Variants in SNAP25 observed in about 807,000 individuals in gnomAD.
SNAP25 encodes the protein synaptosomal-associated protein 25.
Under a neutral mutation model 28.7 loss-of-function variants are expected in SNAP25, and 3 were observed. The observed-to-expected ratio is 0.10, with a 90% confidence interval of 0.05 to 0.27. The LOEUF (loss-of-function observed/expected upper bound fraction) is 0.27, where lower values mean the gene tolerates loss of function less well. Ranked by LOEUF, SNAP25 falls within the 10% of genes least tolerant of loss-of-function variation. The pLI, the probability that SNAP25 is intolerant of heterozygous loss-of-function variation, is 1.00. For missense variants in SNAP25, 117 were observed against 278.7 expected (o/e 0.42, Z 4.13); for synonymous variants, 61 against 88.1 (o/e 0.69, Z 1.72).
At chr20:10,235,133 T>C (rs1017122091) in intron 1 of SNAP25, among the ~76,000 whole-genome samples, 6 of 152,008 alleles carry the variant, frequency 3.9e-5, no homozygotes, top group Non-Finnish European at 7.4e-5. Context: ...CTCAGGGGAC[T>C]AATGTAGGAG....
intron 1 of SNAP25, among the ~76,000 whole-genome samples, chr20:10,240,305 A>C (rs552424011): frequency 6.6e-6 from 1 of 152,284 alleles, no homozygotes; most frequent in Non-Finnish European, 1.5e-5. Context: ...CCTTCTTTTA[A>C]GGGCCTTCAT....
At chr20:10,246,821 G>A (rs898992708) in intron 1 of SNAP25, among the ~76,000 whole-genome samples, 1 of 152,114 alleles carries the variant, frequency 6.6e-6, no homozygotes, top group South Asian at 2.1e-4. Flanking sequence ...GGCTCACATC[G>A]TTGGGCACAA....
chr20:10,277,650 A>G (rs2063713211), intron 2 of SNAP25, 35 bp from the exon 3 acceptor site: 3 of 1,601,076 alleles, frequency 1.9e-6, no homozygotes, highest in African/African-American at 2.7e-5. Context: ...TCCTGCACTC[A>G]TAAAGTTTAT....
rs965509281 is a variant in SNAP25, at chr20:10,240,608, A to G, written c.-64+21631A>G. On this transcript the variant is annotated intron_variant, in intron 1 of 7. Coordinates refer to ENST00000254976, the MANE Select transcript of SNAP25 (RefSeq NM_130811.4). ...CTGCCATTCTCCATGCCTCCCTCCA[A>G]GGCTGCAAGTGTTCCTGCCCTACAG... 5.9e-5 allele frequency among the ~76,000 whole-genome samples: 9 copies of G among 152,254 alleles called. No homozygotes were observed. In the South Asian group the frequency reaches 1.9e-3, roughly 32 times the overall value.
At chr20:10,264,332 C>T (rs2063470369) in intron 1 of SNAP25, among the ~76,000 whole-genome samples, 1 of 152,042 alleles carries the variant, frequency 6.6e-6, no homozygotes, top group South Asian at 2.1e-4. Context: ...ATATAGAATC[C>T]CATTTAGGAA....
At chr20:10,305,985 G>C in intron 7 of SNAP25, 144 bp from the exon 8 acceptor site, 1 of 640,762 alleles carries the variant, frequency 1.6e-6, no homozygotes, top group South Asian at 2.0e-5. Flanking sequence ...CGTCATTCTG[G>C]GAAGACAAAA....
chr20:10,270,772 G>T (rs1177921952), intron 1 of SNAP25, among the ~76,000 whole-genome samples: 4 of 152,098 alleles, frequency 2.6e-5, no homozygotes, highest in Non-Finnish European at 4.4e-5. Flanking sequence ...AATCCCTGAG[G>T]GTAGGGCCCA....
chr20:10,244,664 C>T (rs1195475294), intron 1 of SNAP25, among the ~76,000 whole-genome samples: 1 of 151,810 alleles, frequency 6.6e-6, no homozygotes, highest in East Asian at 1.9e-4. Flanking sequence ...GACTGGGTCT[C>T]ATCAGGAGCA....
intron 1 of SNAP25, among the ~76,000 whole-genome samples, chr20:10,220,882 T>C (rs2062619812): frequency 6.6e-6 from 1 of 152,248 alleles, no homozygotes; most frequent in Non-Finnish European, 1.5e-5. Context: ...GGTAATTTCA[T>C]TCGCTGCTAT....
chr20:10,279,233 A>G (rs1051228195), intron 3 of SNAP25, among the ~76,000 whole-genome samples: 1 of 152,220 alleles, frequency 6.6e-6, no homozygotes, highest in Non-Finnish European at 1.5e-5. Context: ...AGGAAGAAAA[A>G]TGAAAGAAGC....
intron 4 of SNAP25, among the ~76,000 whole-genome samples, chr20:10,290,272 A>G (rs2063968377): frequency 6.6e-6 from 1 of 152,210 alleles, no homozygotes; most frequent in South Asian, 2.1e-4. Flanking sequence ...CTGCAACAAA[A>G]TGACTCCACA....
At chr20:10,297,278 T>G (rs769359051) in intron 6 of SNAP25, among the ~76,000 whole-genome samples, 10 of 152,174 alleles carry the variant, frequency 6.6e-5, no homozygotes, top group Non-Finnish European at 1.2e-4. Flanking sequence ...GCATGTCTGT[T>G]CTTCTCCATG....
chr20:10,293,349 C>T lies in SNAP25; in HGVS notation c.281+71C>T. On this transcript the variant is annotated intron_variant, in intron 5 of 7. Transcript: ENST00000254976. This position sits in a 1 kb window ranked among gnomAD's most constrained non-coding sequence, Gnocchi z 5.6. ...TCTCCAAGCCTTGACAAGCTCATTC[C>T]TGCCAAGCTCATAGGCAGGATGAGC... is the stretch of plus-strand genomic sequence containing the variant. 3 of 1,180,256 alleles carry T rather than the reference C, an allele frequency of 2.5e-6. No individual in the cohort carries two copies. Among genetic ancestry groups the T allele is most frequent in the Non-Finnish European group, 3.8e-6 (3 of 789,170 alleles). The allele number at this position is 1,180,256 out of a possible 1,614,324, so 73.1% of individuals were successfully genotyped here.
chr20:10,296,832 G>A (rs754010491), intron 5 of SNAP25, 93 bp from the exon 6 acceptor site: 108 of 1,580,668 alleles, frequency 6.8e-5, no homozygotes, highest in Middle Eastern at 2.2e-4. Context: ...AAACTCATTC[G>A]CTTGGTTCGA....
At chr20:10,273,963 A>G (rs1472387157) in intron 1 of SNAP25, among the ~76,000 whole-genome samples, 1 of 152,064 alleles carries the variant, frequency 6.6e-6, no homozygotes, top group Non-Finnish European at 1.5e-5. Context: ...ATGATACCAG[A>G]CATGTCCCCT....
intron 1 of SNAP25, among the ~76,000 whole-genome samples, chr20:10,238,621 A>T (rs1277707982): frequency 6.6e-6 from 1 of 152,198 alleles, no homozygotes; most frequent in African/African-American, 2.4e-5. Flanking sequence ...CAAAAAGAAT[A>T]TCAATAGGTT....
At chr20:10,246,172 G>C (rs1169076200) in intron 1 of SNAP25, among the ~76,000 whole-genome samples, 1 of 152,208 alleles carries the variant, frequency 6.6e-6, no homozygotes, top group East Asian at 1.9e-4. Context: ...AGCTATTTCT[G>C]AGCCATTATG....
chr20:10,271,080 T>C (rs1435423848), intron 1 of SNAP25, among the ~76,000 whole-genome samples: 1 of 152,228 alleles, frequency 6.6e-6, no homozygotes, highest in Non-Finnish European at 1.5e-5. Context: ...CTTTTCTTCC[T>C]AATTTCTTCT....
At chr20:10,251,727 G>C (rs915547061) in intron 1 of SNAP25, among the ~76,000 whole-genome samples, 5 of 152,126 alleles carry the variant, frequency 3.3e-5, no homozygotes, top group Non-Finnish European at 5.9e-5. Flanking sequence ...TGTTATTCAT[G>C]AGATCTTCTG....
Sources: gnomAD v4.1 joint callset for allele counts (sites outside exome capture counted in the v4.1 genomes callset) on GRCh38, gnomAD v4.1.1 for gene constraint, Gnocchi (gnomAD v3.1) non-coding constraint, MANE v1.5 for transcripts, NCBI Gene and HGNC (gene_info 2026-07-23, HGNC 2026-07-21) for gene names.